MTMR8: variants seen among roughly 807,000 people sequenced by gnomAD.
MTMR8 encodes the protein myotubularin related protein 8.
MTMR8 carries 65 observed loss-of-function variants against 39.3 expected under a neutral mutation model. The observed-to-expected ratio is 1.65, with a 90% CI of 1.35 to 2.03. The LOEUF (loss-of-function observed/expected upper bound fraction) is 2.03, where lower values mean the gene tolerates loss of function less well. MTMR8 is among the 30% of genes most tolerant of loss of function. The pLI is 0.00. For synonymous variants in MTMR8, 245 were observed against 185.2 expected, an observed-to-expected ratio of 1.32 and a Z score of -2.62; for missense variants, 777 against 538.9, an observed-to-expected ratio of 1.44 and a Z score of -4.37.
At position 64,375,357 on chromosome X, in the gene MTMR8, G is replaced by GA. The variant is rs1164526672; in HGVS notation, c.25-15831dup. On this transcript the variant is annotated intron_variant, in intron 1 of 13. Transcript: ENST00000374852. The stretch of plus-strand genomic sequence containing the variant: ...GTGACAGAGAGAGACTGTCTCAATA[G>GA]AAAAAAAAAAAAGTAAAGGGATGGA... Among the ~76,000 whole-genome samples the GA allele has an allele frequency of 1.5e-3, 130 of 88,482 alleles. 1 individual carries two copies. The highest frequency in any genetic ancestry group is 6.0e-3 in the Middle Eastern group (1 of 168). 76.8% of individuals were successfully genotyped at this position (88,482 alleles called of 115,157 possible).
chrX:64,352,068 C>T (rs1923500754), intron 4 of MTMR8, among the ~76,000 whole-genome samples: 1 of 111,910 alleles, frequency 8.9e-6, no homozygotes, highest in Non-Finnish European at 1.9e-5. Flanking sequence ...ACTGTTTGTA[C>T]AAACAATGTG....
At chrX:64,286,484 T>G (rs931137017) in intron 12 of MTMR8, among the ~76,000 whole-genome samples, 4 of 111,647 alleles carry the variant, frequency 3.6e-5, no homozygotes, top group South Asian at 3.8e-4. Flanking sequence ...CATCCTGATA[T>G]CAAAGCCTGG....
chrX:64,385,685 G>A (rs942107907), intron 1 of MTMR8, among the ~76,000 whole-genome samples: 8 of 110,869 alleles, frequency 7.2e-5, no homozygotes, highest in South Asian at 3.9e-4. Context: ...AAGGGTAGGC[G>A]GTGAGGTGCC....
At chrX:64,342,554 A>G (rs1237800575) in intron 8 of MTMR8, among the ~76,000 whole-genome samples, 1 of 112,542 alleles carries the variant, frequency 8.9e-6, no homozygotes, top group Non-Finnish European at 1.9e-5. Context: ...GGTTTCAGAA[A>G]GGGACTATAG....
At chrX:64,293,483 G>A (rs960152398) in intron 12 of MTMR8, among the ~76,000 whole-genome samples, 1 of 111,315 alleles carries the variant, frequency 9.0e-6, no homozygotes, top group Non-Finnish European at 1.9e-5. Flanking sequence ...ATACATTGGT[G>A]AAGCAAGTAT....
chrX:64,381,154 C>A (rs1009912220), intron 1 of MTMR8, among the ~76,000 whole-genome samples: 3 of 111,679 alleles, frequency 2.7e-5, no homozygotes, highest in Non-Finnish European at 5.6e-5. Context: ...GTTCTAGATC[C>A]CTGAGGAATC....
At chrX:64,295,252 A>G (rs1921535575) in intron 12 of MTMR8, among the ~76,000 whole-genome samples, 1 of 111,012 alleles carries the variant, frequency 9.0e-6, no homozygotes, top group Non-Finnish European at 1.9e-5. Flanking sequence ...ACACACACAC[A>G]CACACACACA....
At chrX:64,283,589 G>GAC (rs988697552) in intron 12 of MTMR8, among the ~76,000 whole-genome samples, 3 of 112,067 alleles carry the variant, frequency 2.7e-5, no homozygotes, top group Non-Finnish European at 5.6e-5. Flanking sequence ...GGGGCAGACT[G>GAC]ACACCTCACA....
At chrX:64,358,239 G>T (rs752040024) in intron 2 of MTMR8, among the ~76,000 whole-genome samples, 8 of 111,646 alleles carry the variant, frequency 7.2e-5, no homozygotes, top group Admixed American at 6.7e-4. Flanking sequence ...ACTTGCCTAA[G>T]GTTACATAGC....
rs767478174 is a variant in MTMR8, at chrX:64,326,852, T to C, written c.1481+1920A>G. On this transcript the variant is annotated intron_variant, in intron 12 of 13. Coordinates refer to ENST00000374852, the MANE Select transcript of MTMR8 (RefSeq NM_017677.4). ...AAATAGAATGATACTGATCTAAAAA[T>C]AGACACACAGACCAATGGAATAGAG... is the stretch of plus-strand genomic sequence containing the variant. Among the ~76,000 whole-genome samples, 5 of 108,310 alleles carry C rather than the reference T, an allele frequency of 4.6e-5. No homozygotes were observed. In the South Asian group the frequency reaches 2.0e-3, roughly 43 times the overall value. The allele number at this position is 108,310 out of a possible 115,157, so 94.1% of individuals were successfully genotyped here.
intron 1 of MTMR8, among the ~76,000 whole-genome samples, chrX:64,394,313 C>A (rs943934126): frequency 9.0e-6 from 1 of 111,716 alleles, no homozygotes; most frequent in African/African-American, 3.3e-5. Flanking sequence ...CAGAGAAAAA[C>A]CCTATCAGTA....
chrX:64,349,815 G>A, intron 5 of MTMR8, 127 bp downstream of exon 5: 1 of 470,203 alleles, frequency 2.1e-6, no homozygotes, highest in South Asian at 9.9e-5. Context: ...ACCTTCAGAA[G>A]TATGAAAGTC....
At chrX:64,318,050 C>T (rs1018073498) in intron 12 of MTMR8, among the ~76,000 whole-genome samples, 9 of 112,344 alleles carry the variant, frequency 8.0e-5, no homozygotes, top group Non-Finnish European at 1.5e-4. Flanking sequence ...AGGTGAAAGT[C>T]CAGACTCTCC....
chrX:64,364,023 G>T (rs953278300), intron 1 of MTMR8, among the ~76,000 whole-genome samples: 1 of 112,626 alleles, frequency 8.9e-6, no homozygotes, highest in African/African-American at 3.2e-5. Flanking sequence ...CAAGGCAGCA[G>T]CCTGGCAGGG....
intron 10 of MTMR8, among the ~76,000 whole-genome samples, chrX:64,332,824 C>T (rs762249347): frequency 2.7e-5 from 3 of 111,792 alleles, no homozygotes; most frequent in East Asian, 2.8e-4. Flanking sequence ...CACAGGCTGG[C>T]TAGTAGTTCT....
At chrX:64,314,987 G>A (rs939510073) in intron 12 of MTMR8, among the ~76,000 whole-genome samples, 1 of 111,520 alleles carries the variant, frequency 9.0e-6, no homozygotes, top group East Asian at 2.8e-4. Flanking sequence ...TGATGGACAA[G>A]ACCACCCTGC....
At chrX:64,273,502 AC>A (rs774023399) in intron 12 of MTMR8, among the ~76,000 whole-genome samples, 51 of 111,292 alleles carry the variant, frequency 4.6e-4, no homozygotes, top group Middle Eastern at 9.3e-3. Flanking sequence ...AACAAAAAAA[AC>A]AAAACATAAA....
In MTMR8 at chrX:64,306,332, C is replaced by A. The variant is rs1922117300; in HGVS notation, c.1481+22440G>T. The A allele has an allele frequency of 4.9e-5, 14 of 287,810 alleles. No individual in the cohort carries two copies. In the South Asian group the frequency reaches 5.7e-4, roughly 12 times the overall value. The allele number at this position is 287,810 out of a possible 1,213,427, so 23.7% of individuals were successfully genotyped here. A position where few individuals can be genotyped will look rare whatever the true frequency, so the allele number is the denominator to read the frequency against. ...CAGAGGTTCTAGATGCAGTGTTTGT[C>A]AAAGCCCATGCAGCTTCTAACTGTA... On this transcript the variant is annotated intron_variant, in intron 12 of 13. Transcript: ENST00000374852.
At chrX:64,368,986 G>A (rs1055115921) in intron 1 of MTMR8, among the ~76,000 whole-genome samples, 1 of 112,564 alleles carries the variant, frequency 8.9e-6, no homozygotes, top group Admixed American at 9.4e-5. Context: ...AGACATTTAT[G>A]CAGTCTAAAG....
Sources: allele counts gnomAD v4.1 joint callset (sites outside exome capture counted in the v4.1 genomes callset), GRCh38; gene constraint gnomAD v4.1.1; transcripts MANE v1.5; gene names NCBI Gene and HGNC (gene_info 2026-07-23, HGNC 2026-07-21).